The following PIBF1 variants were observed in gnomAD, a reference collection of about 807,000 sequenced individuals.
The protein encoded by PIBF1 is progesterone immunomodulatory binding factor 1.
PIBF1 carries 90 observed loss-of-function variants against 112.5 expected under a neutral mutation model. The observed-to-expected ratio is 0.80, with a 90% CI of 0.67 to 0.95. The LOEUF (loss-of-function observed/expected upper bound fraction) is 0.95, where lower values mean the gene tolerates loss of function less well. Ranked by LOEUF, PIBF1 falls within the 40% of genes least tolerant of loss-of-function variation. The probability of loss-of-function intolerance (pLI) is 0.00; values close to 1 mark genes in which losing one functional copy is unlikely to be tolerated. For missense variants in PIBF1, 915 were observed against 852.3 expected (o/e 1.07, Z -0.92); for synonymous variants, 301 against 288.6 (o/e 1.04, Z -0.44).
At chr13:72,987,846 A>AT (rs1566522078) in intron 16 of PIBF1, among the ~76,000 whole-genome samples, 1 of 66,780 alleles carries the variant, frequency 1.5e-5, no homozygotes. Flanking sequence ...TAATTTATTT[A>AT]TTTATTTATT....
At chr13:72,938,005 G>A (rs1269215729) in intron 14 of PIBF1, among the ~76,000 whole-genome samples, 1 of 152,018 alleles carries the variant, frequency 6.6e-6, no homozygotes, top group Admixed American at 6.6e-5. Context: ...TATAGAGCAG[G>A]TCTATGGTGA....
At chr13:72,910,387 C>G (rs1308157475) in intron 12 of PIBF1, among the ~76,000 whole-genome samples, 1 of 152,160 alleles carries the variant, frequency 6.6e-6, no homozygotes, top group Admixed American at 6.6e-5. Context: ...CCATTCCCCT[C>G]CATATCATAT....
At chr13:72,807,785 A>C (rs1008432816) in intron 5 of PIBF1, among the ~76,000 whole-genome samples, 1 of 152,220 alleles carries the variant, frequency 6.6e-6, no homozygotes, top group Non-Finnish European at 1.5e-5. Flanking sequence ...AGCATGTTCA[A>C]AATTGATCAC....
At chr13:72,809,132 C>CTTTTTTTTTTTTTTTTT (rs35219701) in intron 5 of PIBF1, among the ~76,000 whole-genome samples, 9 of 74,856 alleles carry the variant, frequency 1.2e-4, no homozygotes, top group East Asian at 4.0e-4. Flanking sequence ...GTATATGTCC[C>CTTTTTTTTTTTTTTTTT]TTTTTTTTTT....
chr13:72,918,295 G>A (rs553233448), intron 13 of PIBF1, among the ~76,000 whole-genome samples: 19 of 151,850 alleles, frequency 1.3e-4, no homozygotes, highest in Non-Finnish European at 2.5e-4. Flanking sequence ...GTACCACACA[G>A]CAGAGCATTT....
intron 8 of PIBF1, among the ~76,000 whole-genome samples, chr13:72,829,089 A>C (rs1486837959): frequency 6.6e-6 from 1 of 152,150 alleles, no homozygotes; most frequent in African/African-American, 2.4e-5. Flanking sequence ...TCTTTTGAGA[A>C]GTGTCTATAT....
At position 72,986,980 on chromosome 13, in the gene PIBF1, C is replaced by T. The variant is rs553948886; in HGVS notation, c.2050-11842C>T. On this transcript the variant is annotated intron_variant, in intron 16 of 17. Coordinates refer to ENST00000326291, the MANE Select transcript of PIBF1 (RefSeq NM_006346.4). ...TGCTGGGATTACAGGCGTGAGCCACCGCGCCCGGCCTCTGTCATCTTAAAT... is the reference window on the plus strand; with the variant it reads ...TGCTGGGATTACAGGCGTGAGCCACTGCGCCCGGCCTCTGTCATCTTAAAT... Among the ~76,000 whole-genome samples the T allele has an allele frequency of 9.2e-5, 14 of 152,228 alleles. No homozygotes were observed. In the East Asian group the frequency reaches 1.9e-3, roughly 21 times the overall value.
At chr13:72,859,181 T>G (rs1399075247) in intron 10 of PIBF1, among the ~76,000 whole-genome samples, 2 of 152,306 alleles carry the variant, frequency 1.3e-5, no homozygotes, top group South Asian at 2.1e-4. Context: ...GTTTTTAAGA[T>G]TGCTGCTGAA....
At chr13:72,989,306 T>C (rs1197398767) in intron 16 of PIBF1, among the ~76,000 whole-genome samples, 1 of 152,242 alleles carries the variant, frequency 6.6e-6, no homozygotes, top group African/African-American at 2.4e-5. Flanking sequence ...ACATTATTCA[T>C]AGTAACCAAA....
At chr13:72,804,427 G>C (rs1593925868) in intron 5 of PIBF1, among the ~76,000 whole-genome samples, 1 of 152,200 alleles carries the variant, frequency 6.6e-6, no homozygotes, top group African/African-American at 2.4e-5. Flanking sequence ...AGACAAAAGT[G>C]TATGATCTGA....
intron 2 of PIBF1, among the ~76,000 whole-genome samples, chr13:72,790,463 A>C (rs1306376780): frequency 6.9e-6 from 1 of 144,374 alleles, no homozygotes; most frequent in South Asian, 2.2e-4. Flanking sequence ...ACACACACAC[A>C]CTTATAGATA....
chr13:72,932,418 A>G (rs1205961023), intron 14 of PIBF1, among the ~76,000 whole-genome samples: 2 of 152,230 alleles, frequency 1.3e-5, no homozygotes, highest in African/African-American at 4.8e-5. Flanking sequence ...CTTTATCCTC[A>G]AATTTCGAAA....
intron 1 of PIBF1, among the ~76,000 whole-genome samples, chr13:72,782,929 G>A (rs769895554): frequency 6.6e-6 from 1 of 151,202 alleles, no homozygotes; most frequent in Admixed American, 6.6e-5. Flanking sequence ...TTGGGGGGGC[G>A]GTGAAAGGAG....
chr13:72,831,488 G>T (rs939145623), intron 8 of PIBF1, among the ~76,000 whole-genome samples: 3 of 151,722 alleles, frequency 2.0e-5, no homozygotes, highest in Non-Finnish European at 4.4e-5. Flanking sequence ...TGGTTTCAAA[G>T]AACATCTTTA....
intron 16 of PIBF1, among the ~76,000 whole-genome samples, chr13:72,981,846 C>T (rs2043165373): frequency 1.3e-5 from 2 of 152,150 alleles, no homozygotes; most frequent in African/African-American, 2.4e-5. Flanking sequence ...AATTGTAAGA[C>T]TGGCATTACC....
At chr13:72,803,522 A>G (rs1003014150) in intron 5 of PIBF1, among the ~76,000 whole-genome samples, 6 of 152,148 alleles carry the variant, frequency 3.9e-5, no homozygotes, top group African/African-American at 1.4e-4. Context: ...TATTTGGGGA[A>G]ACTACTAGAA....
intron 10 of PIBF1, among the ~76,000 whole-genome samples, chr13:72,869,258 C>G (rs1473350085): frequency 6.6e-6 from 1 of 152,046 alleles, no homozygotes; most frequent in Non-Finnish European, 1.5e-5. Context: ...AAGTGTGGCA[C>G]GTGTACACCA....
At chr13:72,826,473 G>C (rs1472162278) in intron 6 of PIBF1, among the ~76,000 whole-genome samples, 1 of 152,140 alleles carries the variant, frequency 6.6e-6, no homozygotes, top group African/African-American at 2.4e-5. Context: ...AAAAATGTGT[G>C]TTGTAGGTTT....
chr13:72,906,289 G>T (rs1011824057), intron 11 of PIBF1, among the ~76,000 whole-genome samples: 3 of 151,790 alleles, frequency 2.0e-5, no homozygotes, highest in African/African-American at 7.3e-5. Flanking sequence ...CTCTGTTTAA[G>T]GCAAAATTAT....
Sources: gnomAD v4.1 joint callset for allele counts (sites outside exome capture counted in the v4.1 genomes callset) on GRCh38, gnomAD v4.1.1 for gene constraint, MANE v1.5 for transcripts, NCBI Gene and HGNC (gene_info 2026-07-23, HGNC 2026-07-21) for gene names.